SEPTIN6: variants seen among roughly 807,000 people sequenced by gnomAD.
SEPTIN6 encodes the protein septin 6.
A neutral mutation model predicts 33.6 loss-of-function variants in SEPTIN6; 8 were observed. That is an observed-to-expected ratio of 0.24 (90% CI 0.14 to 0.43). SEPTIN6 has a LOEUF of 0.43. Among genes scored for constraint, SEPTIN6 ranks in the 20% least tolerant of loss-of-function variants. SEPTIN6 has a pLI of 1.00. For synonymous variants in SEPTIN6, 131 were observed against 140.0 expected (o/e 0.94, Z 0.45); for missense variants, 250 against 340.8 (o/e 0.73, Z 2.10).
At chrX:119,639,326 T>C (rs1476940122) in intron 6 of SEPTIN6, among the ~76,000 whole-genome samples, 1 of 111,801 alleles carries the variant, frequency 8.9e-6, no homozygotes, top group East Asian at 2.8e-4. Context: ...TTTCTAGCTG[T>C]AGACTCTGAG....
At chrX:119,624,549 C>T (rs773728750) in intron 10 of SEPTIN6, among the ~76,000 whole-genome samples, 128 of 111,182 alleles carry the variant, frequency 1.2e-3, no homozygotes, top group African/African-American at 4.0e-3. Context: ...CTGCCACCAG[C>T]GGGAAACAGA....
At chrX:119,676,789 C>T (rs1233355428) in intron 1 of SEPTIN6, among the ~76,000 whole-genome samples, 2 of 111,247 alleles carry the variant, frequency 1.8e-5, no homozygotes, top group East Asian at 5.6e-4. Context: ...AGCAATTGTT[C>T]CTCTCTCTCT....
At chrX:119,628,236 C>A (rs1465608150) in intron 9 of SEPTIN6, among the ~76,000 whole-genome samples, 1 of 109,215 alleles carries the variant, frequency 9.2e-6, no homozygotes, top group African/African-American at 3.3e-5. Context: ...GATTCTCCTG[C>A]CTCAGCCTCC....
chrX:119,653,136 ACT>A, intron 3 of SEPTIN6, 96 bp from the exon 4 acceptor site: 4 of 652,578 alleles, frequency 6.1e-6, no homozygotes, highest in Non-Finnish European at 4.6e-6. Flanking sequence ...TGTAATCTTG[ACT>A]CTCTCCCATC....
At position 119,621,446 on chromosome X, in the gene SEPTIN6, GGTGTGTGTGTGTGTGTGTGT is replaced by G. The variant is rs34517524; in HGVS notation, c.*42-1415_*42-1396del. Among the ~76,000 whole-genome samples, 26 of 63,489 alleles carry G rather than the reference GGTGTGTGTGTGTGTGTGTGT, an allele frequency of 4.1e-4. 1 individual carries two copies. The highest frequency in any genetic ancestry group is 1.5e-3 in the African/African-American group (24 of 16,431). 55.1% of individuals were successfully genotyped at this position (63,489 alleles called of 115,157 possible). A position where few individuals can be genotyped will look rare whatever the true frequency, so the allele number is the denominator to read the frequency against. On this transcript the variant is annotated intron_variant, in intron 10 of 10. Coordinates refer to ENST00000394610, the MANE Select transcript of SEPTIN6 (RefSeq NM_145799.4). ...AAGAGTCACAGCTGGGCCCAGAGCTGGTGTGTGTGTGTGTGTGTGTGTGTGTGTGTGTGTGTGTGTGTGTG... is the reference window on the plus strand; with the variant it reads ...AAGAGTCACAGCTGGGCCCAGAGCTGGTGTGTGTGTGTGTGTGTGTGTGTG...
chrX:119,658,776 T>A (rs1481433558), intron 3 of SEPTIN6, among the ~76,000 whole-genome samples: 1 of 112,538 alleles, frequency 8.9e-6, no homozygotes, highest in African/African-American at 3.2e-5. Flanking sequence ...GGAAGTTGAA[T>A]GACCATCATT....
intron 2 of SEPTIN6, among the ~76,000 whole-genome samples, chrX:119,665,082 A>G (rs2054612361): frequency 9.3e-6 from 1 of 107,284 alleles, no homozygotes; most frequent in South Asian, 4.0e-4. Context: ...GCAGGCCACA[A>G]AAATTCTTCT....
At chrX:119,669,809 G>A (rs1486451682) in intron 2 of SEPTIN6, among the ~76,000 whole-genome samples, 4 of 111,871 alleles carry the variant, frequency 3.6e-5, no homozygotes, top group Admixed American at 9.5e-5. Flanking sequence ...CCTTGGCCTT[G>A]ATAGAATGCT....
chrX:119,665,954 T>C (rs368477544), intron 2 of SEPTIN6, among the ~76,000 whole-genome samples: 67 of 109,560 alleles, frequency 6.1e-4, no homozygotes, highest in African/African-American at 2.0e-3. Context: ...TGATGGTGGG[T>C]GCCTGTAGTC....
intron 4 of SEPTIN6, among the ~76,000 whole-genome samples, chrX:119,651,109 G>A (rs1175694150): frequency 3.6e-5 from 4 of 110,650 alleles, no homozygotes; most frequent in African/African-American, 1.3e-4. Context: ...GTGGGGGAGG[G>A]GCATAGGTGG....
intron 10 of SEPTIN6, among the ~76,000 whole-genome samples, chrX:119,621,171 C>T (rs1250933098): frequency 9.1e-6 from 1 of 110,217 alleles, no homozygotes; most frequent in Non-Finnish European, 1.9e-5. Context: ...CTAACTGGTA[C>T]TCTGGGGCAA....
At chrX:119,660,006 G>A (rs1346954439) in intron 3 of SEPTIN6, among the ~76,000 whole-genome samples, 2 of 112,124 alleles carry the variant, frequency 1.8e-5, no homozygotes, top group Non-Finnish European at 3.8e-5. Context: ...CCGAGTAGCT[G>A]GGATTACAGG....
chrX:119,618,418 A>G lies in SEPTIN6; in HGVS notation c.*1675T>C. 2.3e-6 allele frequency: 2 copies of G among 857,171 alleles called. No homozygotes were observed. The highest frequency in any genetic ancestry group is 2.8e-6 in the Non-Finnish European group (2 of 704,859). 70.6% of individuals were successfully genotyped at this position (857,171 alleles called of 1,213,427 possible). A position where few individuals can be genotyped will look rare whatever the true frequency, so the allele number is the denominator to read the frequency against. On this transcript the variant is annotated 3_prime_UTR_variant, in exon 11 of 11. Transcript: ENST00000394610. ...TTTCATTTTTTTCTTTTTGCTTCCTATTATGATCTATAATTGAAGTGAGAA... is the reference window on the plus strand; with the variant it reads ...TTTCATTTTTTTCTTTTTGCTTCCTGTTATGATCTATAATTGAAGTGAGAA...
intron 2 of SEPTIN6, 39 bp from the exon 3 acceptor site, chrX:119,663,716 G>C (rs772342508): frequency 1.9e-6 from 2 of 1,051,900 alleles, no homozygotes; most frequent in East Asian, 3.1e-5. Context: ...TGTTCACATA[G>C]TGACTATTCA....
At chrX:119,631,768 A>AT (rs1243490699) in intron 8 of SEPTIN6, among the ~76,000 whole-genome samples, 28 of 100,871 alleles carry the variant, frequency 2.8e-4, no homozygotes, top group East Asian at 6.2e-4. Context: ...ATTTGTAATT[A>AT]TTTTTTTTTT....
At chrX:119,634,650 A>G (rs1381503154) in intron 7 of SEPTIN6, among the ~76,000 whole-genome samples, 1 of 111,451 alleles carries the variant, frequency 9.0e-6, no homozygotes, top group East Asian at 2.8e-4. Context: ...CCAATTTGAA[A>G]ATGAGAAGGA....
chrX:119,644,850 CA>C (rs1368251609), intron 5 of SEPTIN6, among the ~76,000 whole-genome samples: 5 of 104,454 alleles, frequency 4.8e-5, no homozygotes, highest in African/African-American at 1.8e-4. Context: ...GACTCCATCT[CA>C]AAAAAAAAGG....
At chrX:119,665,983 G>A (rs898020399) in intron 2 of SEPTIN6, among the ~76,000 whole-genome samples, 2 of 109,507 alleles carry the variant, frequency 1.8e-5, no homozygotes, top group Non-Finnish European at 3.8e-5. Context: ...TTGGGAGGCT[G>A]AGGCAGGAGA....
intron 2 of SEPTIN6, among the ~76,000 whole-genome samples, chrX:119,671,968 G>A (rs1346327259): frequency 8.9e-6 from 1 of 111,982 alleles, no homozygotes; most frequent in African/African-American, 3.2e-5. Context: ...CAGCCTCATG[G>A]CTGGGCTGAC....
Sources: gnomAD v4.1 joint callset for allele counts (sites outside exome capture counted in the v4.1 genomes callset) on GRCh38, gnomAD v4.1.1 for gene constraint, MANE v1.5 for transcripts, NCBI Gene and HGNC (gene_info 2026-07-23, HGNC 2026-07-21) for gene names.